Variants in PID1 observed in about 807,000 individuals in gnomAD.
PID1 encodes phosphotyrosine interaction domain containing 1, also known as PTB-containing, cubilin and LRP1-interacting protein.
Under a neutral mutation model 19.1 loss-of-function variants are expected in PID1, and 10 were observed. The ratio of observed to expected loss-of-function variants is 0.52; its 90% confidence interval spans 0.32 to 0.89. The LOEUF is 0.89. Ranked by LOEUF, PID1 falls within the 40% of genes least tolerant of loss-of-function variation. The pLI is 0.03. For missense variants in PID1, 248 were observed against 285.3 expected, an observed-to-expected ratio of 0.87 and a Z score of 0.94; for synonymous variants, 130 against 116.0, an observed-to-expected ratio of 1.12 and a Z score of -0.78.
intron 1 of PID1, among the ~76,000 whole-genome samples, chr2:229,215,683 G>C (rs1443942786): frequency 6.6e-6 from 1 of 152,114 alleles, no homozygotes; most frequent in East Asian, 1.9e-4. Context: ...AACAAACAGT[G>C]TTAGCATCTA....
At chr2:229,155,556 G>C (rs901362433) in intron 2 of PID1, among the ~76,000 whole-genome samples, 1 of 148,968 alleles carries the variant, frequency 6.7e-6, no homozygotes, top group African/African-American at 2.5e-5. Flanking sequence ...CTGGGCGACA[G>C]AGCGAGACTC....
At chr2:229,252,114 A>T (rs1000604666) in intron 1 of PID1, among the ~76,000 whole-genome samples, 1 of 152,018 alleles carries the variant, frequency 6.6e-6, no homozygotes, top group African/African-American at 2.4e-5. Context: ...AAGAAAGGAG[A>T]GGTGGTGATG....
chr2:229,142,735 T>G (rs904258799), intron 2 of PID1, among the ~76,000 whole-genome samples: 2 of 152,194 alleles, frequency 1.3e-5, no homozygotes, highest in Admixed American at 6.5e-5. Flanking sequence ...GGAACACTTT[T>G]ACACTGTTGG....
rs199898301 is a variant in PID1 at position 229,262,056 on chromosome 2, T to TA, written c.30+8957dup. 4.2e-3 allele frequency among the ~76,000 whole-genome samples: 637 copies of TA among 152,264 alleles called. 4 individuals carry two copies. Among genetic ancestry groups the TA allele is most frequent in the African/African-American group, 0.015 (608 of 41,550 alleles). On this transcript the variant is annotated intron_variant, in intron 1 of 2. Coordinates refer to ENST00000392055, the MANE Select transcript of PID1 (RefSeq NM_001100818.2). Reference sequence around the variant, plus strand: ...AGGCTCACCTGGAGGTCAATTTAAATATACTTCTTTGTCAGCTTACAGGTT... The same window carrying TA: ...AGGCTCACCTGGAGGTCAATTTAAATAATACTTCTTTGTCAGCTTACAGGTT...
chr2:229,034,676 G>A (rs938722693), intron 2 of PID1, among the ~76,000 whole-genome samples: 8 of 152,048 alleles, frequency 5.3e-5, no homozygotes, highest in African/African-American at 1.7e-4. Context: ...TAGCAAAGGG[G>A]AGTGGTAATC....
intron 2 of PID1, among the ~76,000 whole-genome samples, chr2:229,026,441 C>A (rs1693425320): frequency 6.6e-6 from 1 of 152,160 alleles, no homozygotes; most frequent in African/African-American, 2.4e-5. Flanking sequence ...CCTTTAACAT[C>A]ATAAAGTCAC....
chr2:229,243,816 T>C (rs909815901), intron 1 of PID1, among the ~76,000 whole-genome samples: 5 of 152,114 alleles, frequency 3.3e-5, no homozygotes, highest in African/African-American at 1.2e-4. Context: ...GAAACTCATG[T>C]ATTTTTACAC....
chr2:229,107,754 A>T (rs6716065), intron 2 of PID1, among the ~76,000 whole-genome samples: 137,114 of 152,220 alleles, frequency 0.9, 62,114 homozygotes, highest in Non-Finnish European at 0.95. Context: ...CTCAGCATAC[A>T]AACGCGTCTC....
At chr2:229,144,496 ATATTC>A (rs1690085762) in intron 2 of PID1, among the ~76,000 whole-genome samples, 2 of 152,202 alleles carry the variant, frequency 1.3e-5, no homozygotes, top group African/African-American at 2.4e-5. Context: ...CTAAAAATAT[ATATTC>A]TAAATTGAAC....
chr2:229,251,387 TA>T (rs1690146028), intron 1 of PID1, among the ~76,000 whole-genome samples: 1 of 152,176 alleles, frequency 6.6e-6, no homozygotes, highest in Admixed American at 6.5e-5. Context: ...CAAGAATTAC[TA>T]ATCAATACTA....
chr2:229,128,794 A>G (rs371320573), intron 2 of PID1, among the ~76,000 whole-genome samples: 28 of 152,302 alleles, frequency 1.8e-4, no homozygotes, highest in African/African-American at 6.5e-4. Flanking sequence ...TTAATGGGTA[A>G]AAAAATAGAA....
At chr2:229,197,879 G>C (rs931298865) in intron 1 of PID1, among the ~76,000 whole-genome samples, 1 of 151,954 alleles carries the variant, frequency 6.6e-6, no homozygotes, top group Non-Finnish European at 1.5e-5. Flanking sequence ...CATTTCAAAT[G>C]CATTTCATTC....
Position 229,191,567 on chromosome 2 carries a change from C to A in PID1, c.31-35603G>T, listed in dbSNP as rs551495530. Among the ~76,000 whole-genome samples the A allele has an allele frequency of 8.5e-5, 13 of 152,256 alleles. No homozygotes were observed. The East Asian group carries it at 9.6e-4, about 11-fold the overall frequency. ...AGTTCAGCAGCTAATACACACCCTG[C>A]AACTAAGCCCTAAAAGAATTAGGGG... On this transcript the variant is annotated intron_variant, in intron 1 of 2. Transcript: ENST00000392055.
At chr2:229,270,086 C>T (rs1690695063) in intron 1 of PID1, among the ~76,000 whole-genome samples, 1 of 152,236 alleles carries the variant, frequency 6.6e-6, no homozygotes, top group African/African-American at 2.4e-5. Context: ...TTCAGATGCA[C>T]TCAGCCTCCA....
chr2:229,173,351 T>G (rs1040346291), intron 1 of PID1, among the ~76,000 whole-genome samples: 3 of 152,158 alleles, frequency 2.0e-5, no homozygotes, highest in African/African-American at 7.2e-5. Flanking sequence ...CTACTTTGTG[T>G]TTGGTCTGTT....
chr2:229,049,515 A>G (rs1574584967), intron 2 of PID1, among the ~76,000 whole-genome samples: 1 of 152,356 alleles, frequency 6.6e-6, no homozygotes, highest in East Asian at 1.9e-4. Context: ...ATTCTAGAAC[A>G]TTAGAAACAT....
chr2:229,222,654 C>T (rs1181459197), intron 1 of PID1, among the ~76,000 whole-genome samples: 1 of 152,112 alleles, frequency 6.6e-6, no homozygotes, highest in Admixed American at 6.5e-5. Flanking sequence ...CCTCACCCAA[C>T]CTGTTGAAGG....
intron 2 of PID1, among the ~76,000 whole-genome samples, chr2:229,093,132 CTTTTTCTTT>C (rs1469148648): frequency 1.7e-5 from 1 of 57,998 alleles, no homozygotes; most frequent in Admixed American, 1.6e-4. Flanking sequence ...CTTTCTTTTT[CTTTTTCTTT>C]TTTTTTTTTG....
intron 2 of PID1, among the ~76,000 whole-genome samples, chr2:229,110,642 A>G (rs1695278650): frequency 6.6e-6 from 1 of 152,184 alleles, no homozygotes; most frequent in African/African-American, 2.4e-5. Flanking sequence ...AACTCTAAAA[A>G]TCTTGATGAA....
Sources: allele counts gnomAD v4.1 joint callset (sites outside exome capture counted in the v4.1 genomes callset), GRCh38; gene constraint gnomAD v4.1.1; transcripts MANE v1.5; gene names NCBI Gene and HGNC (gene_info 2026-07-23, HGNC 2026-07-21).